Variants in PPP1R13B observed in about 807,000 individuals in gnomAD.
The protein encoded by PPP1R13B is apoptosis-stimulating of p53 protein 1.
Under a neutral mutation model 119.8 loss-of-function variants are expected in PPP1R13B, and 44 were observed. The observed-to-expected ratio is 0.37, with a 90% CI of 0.29 to 0.47. The LOEUF is 0.47. PPP1R13B is among the 20% of genes least tolerant of loss of function. The probability of loss-of-function intolerance (pLI) is 0.99; values close to 1 mark genes in which losing one functional copy is unlikely to be tolerated. For synonymous variants in PPP1R13B, 542 were observed against 561.5 expected (o/e 0.97, Z 0.49); for missense variants, 1,227 against 1,413.5 (o/e 0.87, Z 2.12).
Position 103,753,060 on chromosome 14 carries a change from G to T in PPP1R13B, c.768C>A (p.Tyr256Ter). ...KKGKLNGFQS[Y>*]NGKLTGPAAV... ...CCGCTGGTCCCGTCAATTTGCCATT[G>T]TAAGACTGGAACCCATTCAGTTTTC... The change falls in exon 7 of 17, where the codon TAC becomes TAA. Residue 256 changes from tyrosine (Y) to a stop codon, truncating the protein, a stop_gained. Transcript: ENST00000202556. LOFTEE classifies it high-confidence loss of function. 1 of 1,614,146 alleles carries T rather than the reference G, an allele frequency of 6.2e-7. No individual in the cohort carries two copies. Among genetic ancestry groups the T allele is most frequent in the Non-Finnish European group, 8.5e-7 (1 of 1,180,032 alleles).
intron 2 of PPP1R13B, among the ~76,000 whole-genome samples, chr14:103,794,321 GTTTTTTGT>G (rs1188012780): frequency 1.8e-5 from 2 of 109,310 alleles, no homozygotes; most frequent in African/African-American, 4.9e-5. Flanking sequence ...GCAGTAATTT[GTTTTTTGT>G]TTTTTTTTTT....
At chr14:103,811,402 C>T (rs1435872193) in intron 1 of PPP1R13B, among the ~76,000 whole-genome samples, 1 of 152,150 alleles carries the variant, frequency 6.6e-6, no homozygotes, top group Non-Finnish European at 1.5e-5. Context: ...GTGGTTCACA[C>T]CTATAATCCC....
At position 103,734,225 on chromosome 14, in the gene PPP1R13B, T is replaced by C. The variant is rs1486140466; in HGVS notation, c.*929A>G. 7.0e-6 allele frequency: 2 copies of C among 285,212 alleles called. No homozygotes were observed. Among genetic ancestry groups the C allele is most frequent in the African/African-American group, 4.3e-5 (2 of 46,016 alleles). The allele number at this position is 285,212 out of a possible 1,614,324, so 17.7% of individuals were successfully genotyped here. Reference sequence around the variant, plus strand: ...CTCCTCTGCCCCAGCTGCTGCTCCTTGGTGGCGGCCCCTCCTGACACCAGG... The same window carrying C: ...CTCCTCTGCCCCAGCTGCTGCTCCTCGGTGGCGGCCCCTCCTGACACCAGG... On this transcript the variant is annotated 3_prime_UTR_variant, in exon 17 of 17. Coordinates refer to ENST00000202556, the MANE Select transcript of PPP1R13B (RefSeq NM_015316.3).
intron 2 of PPP1R13B, among the ~76,000 whole-genome samples, chr14:103,796,063 A>G (rs1234634407): frequency 1.3e-5 from 2 of 152,056 alleles, no homozygotes; most frequent in East Asian, 3.9e-4. Context: ...AGGCCCAGGC[A>G]GGTGGATCAC....
intron 3 of PPP1R13B, among the ~76,000 whole-genome samples, chr14:103,780,732 T>G (rs535113356): frequency 6.6e-6 from 1 of 150,548 alleles, no homozygotes; most frequent in African/African-American, 2.5e-5. Flanking sequence ...GGGAATTGCT[T>G]GAACCCGGGA....
chr14:103,809,642 G>A (rs558319065), intron 1 of PPP1R13B, among the ~76,000 whole-genome samples: 18 of 151,932 alleles, frequency 1.2e-4, no homozygotes, highest in Admixed American at 5.2e-4. Context: ...GCAACATGGC[G>A]AAACCCTATC....
At chr14:103,803,949 G>A (rs1399010875) in intron 1 of PPP1R13B, 2 of 704,310 alleles carry the variant, frequency 2.8e-6, no homozygotes, top group Non-Finnish European at 3.5e-6. Flanking sequence ...CTCCCCTGCT[G>A]TAACAGACTG....
rs948991986 is a variant in PPP1R13B at position 103,734,771 on chromosome 14, C to T, written c.*383G>A. 56 of 462,638 alleles carry T rather than the reference C, an allele frequency of 1.2e-4. No individual in the cohort carries two copies. The highest frequency in any genetic ancestry group is 8.2e-4 in the Admixed American group (35 of 42,666). The allele number at this position is 462,638 out of a possible 1,614,324, so 28.7% of individuals were successfully genotyped here. On this transcript the variant is annotated 3_prime_UTR_variant, in exon 17 of 17. Coordinates refer to ENST00000202556, the MANE Select transcript of PPP1R13B (RefSeq NM_015316.3). ...GGTCGCAGGGGAGCAGGCCTCACAG[C>T]GGCGGACAGTGTTCACTGCTGGAGG...
At chr14:103,788,620 T>C (rs1044680810) in intron 2 of PPP1R13B, among the ~76,000 whole-genome samples, 2 of 151,816 alleles carry the variant, frequency 1.3e-5, no homozygotes, top group African/African-American at 4.8e-5. Context: ...GCCCAGGAGT[T>C]TGAGGCTACG....
intron 1 of PPP1R13B, chr14:103,818,528 G>A (rs2086330902): frequency 1.0e-6 from 1 of 979,344 alleles, no homozygotes. Context: ...GCAGCTACTA[G>A]ACAAATCATA....
intron 8 of PPP1R13B, among the ~76,000 whole-genome samples, chr14:103,749,284 A>G (rs534615949): frequency 6.6e-6 from 1 of 152,350 alleles, no homozygotes; most frequent in South Asian, 2.1e-4. Flanking sequence ...GTATCAAATA[A>G]GGATTTTTTA....
chr14:103,734,422 C>T lies in PPP1R13B; in HGVS notation c.*732G>A. ...TTGCAGGGGTGAGAACCACACTGAG[C>T]AGCATGACAGGCTGTGAGATCGGAG... On this transcript the variant is annotated 3_prime_UTR_variant, in exon 17 of 17. Transcript: ENST00000202556. 7.0e-6 allele frequency: 3 copies of T among 429,918 alleles called. No individual in the cohort carries two copies. Among genetic ancestry groups the T allele is most frequent in the Non-Finnish European group, 1.4e-5 (3 of 212,344 alleles). The allele number at this position is 429,918 out of a possible 1,614,324, so 26.6% of individuals were successfully genotyped here.
chr14:103,806,874 G>A (rs753925264), intron 1 of PPP1R13B, among the ~76,000 whole-genome samples: 29 of 152,054 alleles, frequency 1.9e-4, no homozygotes, highest in Non-Finnish European at 2.9e-4. Flanking sequence ...ACCCAAGCCC[G>A]AGCCACCACC....
At chr14:103,815,719 C>T (rs1456198367) in intron 1 of PPP1R13B, among the ~76,000 whole-genome samples, 1 of 151,926 alleles carries the variant, frequency 6.6e-6, no homozygotes, top group Non-Finnish European at 1.5e-5. Context: ...CGCACCACTG[C>T]ACTCCAGCCT....
At chr14:103,837,901 C>T (rs1224180487) in intron 1 of PPP1R13B, among the ~76,000 whole-genome samples, 9 of 152,042 alleles carry the variant, frequency 5.9e-5, no homozygotes, top group Non-Finnish European at 1.5e-5. Flanking sequence ...GACAGATCAC[C>T]TGAGGTCAGG....
chr14:103,833,585 G>A (rs929509653), intron 1 of PPP1R13B, among the ~76,000 whole-genome samples: 1 of 152,166 alleles, frequency 6.6e-6, no homozygotes, highest in African/African-American at 2.4e-5. Flanking sequence ...GGAGGTTACA[G>A]TGAGACAAGA....
chr14:103,824,794 G>A (rs753324884), intron 1 of PPP1R13B, among the ~76,000 whole-genome samples: 1 of 151,804 alleles, frequency 6.6e-6, no homozygotes, highest in Admixed American at 6.6e-5. Context: ...TTTGTTGTAT[G>A]TCACTTTCTT....
intron 11 of PPP1R13B, among the ~76,000 whole-genome samples, chr14:103,741,294 T>C (rs915031827): frequency 6.6e-6 from 1 of 152,210 alleles, no homozygotes; most frequent in African/African-American, 2.4e-5. Flanking sequence ...GCTGCCTTCT[T>C]AGAACATCTG....
chr14:103,847,938 G>T (rs577898714), upstream of PPP1R13B, among the ~76,000 whole-genome samples: 405 of 151,778 alleles, frequency 2.7e-3, 3 homozygotes, highest in African/African-American at 9.3e-3. Flanking sequence ...CCGGGCTCCC[G>T]GGGGCCGACT....
Sources: gnomAD v4.1 joint callset for allele counts (sites outside exome capture counted in the v4.1 genomes callset) on GRCh38, gnomAD v4.1.1 for gene constraint, MANE v1.5 for transcripts, NCBI Gene and HGNC (gene_info 2026-07-23, HGNC 2026-07-21) for gene names.